MARVELD2: variants seen among roughly 807,000 people sequenced by gnomAD.
The protein encoded by MARVELD2 is MARVEL domain containing 2.
In MARVELD2, 49 loss-of-function variants were observed where a neutral mutation model predicts 57.6. The observed-to-expected ratio is 0.85, with a 90% CI of 0.68 to 1.08. MARVELD2 has a LOEUF of 1.08. Ranked by LOEUF, MARVELD2 falls within the 50% of genes least tolerant of loss-of-function variation. The pLI is 0.00. For synonymous variants in MARVELD2, 238 were observed against 258.8 expected, an observed-to-expected ratio of 0.92 and a Z score of 0.77; for missense variants, 606 against 701.1, an observed-to-expected ratio of 0.86 and a Z score of 1.53.
At chr5:69,420,701 A>G (rs1468101378) in intron 2 of MARVELD2, among the ~76,000 whole-genome samples, 170 bp downstream of exon 2, 1 of 150,126 alleles carries the variant, frequency 6.7e-6, no homozygotes, top group Non-Finnish European at 1.5e-5. Context: ...CTAGTGCAAT[A>G]TCTGACATGC....
chr5:69,438,835 G>A (rs1321591745), intron 5 of MARVELD2, among the ~76,000 whole-genome samples: 8 of 151,616 alleles, frequency 5.3e-5, no homozygotes, highest in African/African-American at 1.5e-4. Context: ...GCAGTGAGCC[G>A]AGATCGCACC....
chr5:69,421,452 T>C (rs1766622449), intron 2 of MARVELD2, among the ~76,000 whole-genome samples: 1 of 152,178 alleles, frequency 6.6e-6, no homozygotes, highest in Non-Finnish European at 1.5e-5. Context: ...TTTTCCACTT[T>C]TCCTAAGACT....
At chr5:69,419,347 T>G (rs749411561) in intron 1 of MARVELD2, 24 bp from the exon 2 acceptor site, 1 of 1,612,002 alleles carries the variant, frequency 6.2e-7, no homozygotes, top group South Asian at 1.1e-5. Context: ...TAATCATAAG[T>G]GATAACTTTA....
intron 1 of MARVELD2, among the ~76,000 whole-genome samples, chr5:69,418,434 G>T (rs1327695328): frequency 2.0e-5 from 3 of 152,150 alleles, no homozygotes. Flanking sequence ...GAGGTGGATT[G>T]AATACCTTCT....
chr5:69,426,025 A>C (rs1766781517), intron 3 of MARVELD2, among the ~76,000 whole-genome samples: 1 of 151,878 alleles, frequency 6.6e-6, no homozygotes, highest in African/African-American at 2.4e-5. Flanking sequence ...TATGGGTGTG[A>C]GCCAGCATGC....
chr5:69,431,875 C>T (rs1330923809), intron 3 of MARVELD2, among the ~76,000 whole-genome samples: 2 of 125,906 alleles, frequency 1.6e-5, no homozygotes. Context: ...CTCACTCTAT[C>T]GCCCAGGCTG....
chr5:69,420,040 A>G lies in MARVELD2; in HGVS notation c.655A>G (p.Ser219Gly), dbSNP rs1320414830. The part of the protein sequence containing the change: ...ACVTAYIHKD[S>G]EWYNLFGYSQ... Reference sequence around the variant, plus strand: ...TGTCACAGCTTACATTCACAAGGACAGTGAGTGGTACAACTTGTTTGGATA... The same window carrying G: ...TGTCACAGCTTACATTCACAAGGACGGTGAGTGGTACAACTTGTTTGGATA... The change falls in exon 2 of 7, where the codon AGT becomes GGT. Residue 219 changes from serine to glycine, a missense_variant. Coordinates refer to ENST00000325631, the MANE Select transcript of MARVELD2 (RefSeq NM_001038603.3). 6.2e-7 allele frequency: 1 copy of G among 1,614,196 alleles called. No homozygotes were observed. The highest frequency in any genetic ancestry group is 1.7e-5 in the Admixed American group (1 of 60,020).
chr5:69,440,418 TTTAAC>T (rs774368248), intron 5 of MARVELD2, 27 bp from the exon 6 acceptor site: 79 of 1,106,130 alleles, frequency 7.1e-5, no homozygotes, highest in Non-Finnish European at 1.0e-4. Context: ...ATGCAAATGT[TTTAAC>T]TTAAGTATAC....
intron 3 of MARVELD2, among the ~76,000 whole-genome samples, chr5:69,425,394 T>TA (rs1179225118): frequency 1.5e-4 from 21 of 140,052 alleles, no homozygotes; most frequent in African/African-American, 4.9e-4. Flanking sequence ...TAAAGTATAA[T>TA]AAAAAAATAT....
intron 2 of MARVELD2, 90 bp downstream of exon 2, chr5:69,420,621 CAGAA>C (rs1766599897): frequency 1.6e-6 from 2 of 1,232,068 alleles, no homozygotes; most frequent in South Asian, 1.3e-5. Flanking sequence ...GCGCTCAAAA[CAGAA>C]AGCTTTCATA....
intron 3 of MARVELD2, among the ~76,000 whole-genome samples, chr5:69,425,774 G>C (rs1316517610): frequency 6.6e-6 from 1 of 150,482 alleles, no homozygotes; most frequent in African/African-American, 2.4e-5. Context: ...TGTCGCCCAG[G>C]CTGGAGTGCA....
intron 3 of MARVELD2, among the ~76,000 whole-genome samples, chr5:69,429,500 A>G (rs978768968): frequency 6.6e-6 from 1 of 152,066 alleles, no homozygotes; most frequent in Non-Finnish European, 1.5e-5. Context: ...GAGGGGAGGG[A>G]GGTTACTGCT....
In MARVELD2 at chr5:69,442,110, T is replaced by C. The variant is rs1235287458; in HGVS notation, c.*456T>C. On this transcript the variant is annotated 3_prime_UTR_variant, in exon 7 of 7. Transcript: ENST00000325631. ...TACTAAGAATGGAAAAAATCCTGTG[T>C]TCATCTTTCATCTGTGACCAATTTC... 6.5e-6 allele frequency: 1 copy of C among 154,954 alleles called. No homozygotes were observed. The highest frequency in any genetic ancestry group is 1.4e-5 in the Non-Finnish European group (1 of 69,982). The allele number at this position is 154,954 out of a possible 1,614,324, so 9.6% of individuals were successfully genotyped here. A position where few individuals can be genotyped will look rare whatever the true frequency, so the allele number is the denominator to read the frequency against.
In MARVELD2 at chr5:69,444,310, G is replaced by A. The variant is rs1767408237; in HGVS notation, c.*2656G>A. On this transcript the variant is annotated 3_prime_UTR_variant, in exon 7 of 7. Coordinates refer to ENST00000325631, the MANE Select transcript of MARVELD2 (RefSeq NM_001038603.3). ...TTTTCACTTGTCAGAAAATAAACTG[G>A]AAAGTCATTGAAAACCCGTAGGTCA... is the stretch of plus-strand genomic sequence containing the variant. 6.6e-6 allele frequency: 1 copy of A among 152,024 alleles called. No homozygotes were observed. Among genetic ancestry groups the A allele is most frequent in the South Asian group, 2.1e-4 (1 of 4,824 alleles). 9.4% of individuals were successfully genotyped at this position (152,024 alleles called of 1,614,324 possible).
At chr5:69,422,079 T>C (rs1766646823) in intron 2 of MARVELD2, among the ~76,000 whole-genome samples, 1 of 152,160 alleles carries the variant, frequency 6.6e-6, no homozygotes, top group Admixed American at 6.6e-5. Context: ...GTCTTTAATC[T>C]CTTAATCCCG....
In MARVELD2 at chr5:69,432,533, A is replaced by T; in HGVS notation, c.1189A>T (p.Met397Leu). 6.2e-7 allele frequency: 1 copy of T among 1,614,136 alleles called. No homozygotes were observed. The highest frequency in any genetic ancestry group is 8.5e-7 in the Non-Finnish European group (1 of 1,179,978). ...TTTTTCTCCCTAACTGCAGTGTGAA[A>T]TGGCCACCAGTGGTGACAGACAAAG... is the stretch of plus-strand genomic sequence containing the variant. ...SLSSKRKMCE[M>L]ATSGDRQRDS... The change falls in exon 4 of 7, where the codon ATG (methionine) becomes TTG (leucine). Residue 397 changes from methionine (M) to leucine (L), a missense_variant. Coordinates refer to ENST00000325631, the MANE Select transcript of MARVELD2 (RefSeq NM_001038603.3).
intron 1 of MARVELD2, 72 bp from the exon 2 acceptor site, chr5:69,419,299 A>T: frequency 1.4e-6 from 2 of 1,463,364 alleles, no homozygotes; most frequent in African/African-American, 1.4e-5. Flanking sequence ...TTTTGCTACT[A>T]CATGAATAAA....
At chr5:69,438,172 A>G (rs896779381) in intron 5 of MARVELD2, among the ~76,000 whole-genome samples, 4 of 152,094 alleles carry the variant, frequency 2.6e-5, no homozygotes, top group African/African-American at 9.7e-5. Context: ...CACCACTGAA[A>G]AATAGTCACA....
Position 69,436,844 on chromosome 5 carries a change from C to T in MARVELD2, c.1504-3606C>T, listed in dbSNP as rs866085517. Among the ~76,000 whole-genome samples the T allele has an allele frequency of 1.4e-4, 21 of 151,894 alleles. 1 individual carries two copies. The highest frequency in any genetic ancestry group is 2.6e-4 in the Non-Finnish European group (18 of 67,982). On this transcript the variant is annotated intron_variant, in intron 5 of 6. Transcript: ENST00000325631. ...TGAAGAAAATCCTGACCTGTAAGGC[C>T]GGGTGTGGTGGCTCACACCTGTAAT...
Sources: gnomAD v4.1 joint callset for allele counts (sites outside exome capture counted in the v4.1 genomes callset) on GRCh38, gnomAD v4.1.1 for gene constraint, MANE v1.5 for transcripts, NCBI Gene and HGNC (gene_info 2026-07-23, HGNC 2026-07-21) for gene names.